Variants in EYA4 observed in about 807,000 individuals in gnomAD.
The protein encoded by EYA4 is EYA transcriptional coactivator and phosphatase 4, also known as protein phosphatase EYA4.
Under a neutral mutation model 87.9 loss-of-function variants are expected in EYA4, and 31 were observed. The ratio of observed to expected loss-of-function variants is 0.35; its 90% CI spans 0.27 to 0.48. EYA4 has a LOEUF of 0.48. EYA4 is among the 20% of genes least tolerant of loss of function. The pLI is 0.99. For synonymous variants in EYA4, 263 were observed against 270.6 expected, an observed-to-expected ratio of 0.97 and a Z score of 0.28; for missense variants, 678 against 761.4, an observed-to-expected ratio of 0.89 and a Z score of 1.29.
chr6:133,394,307 T>A (rs1184102811), intron 3 of EYA4, among the ~76,000 whole-genome samples: 1 of 121,314 alleles, frequency 8.2e-6, no homozygotes, highest in South Asian at 2.9e-4. Flanking sequence ...TTTTTTTTTT[T>A]TTTTTTTTTT....
intron 1 of EYA4, among the ~76,000 whole-genome samples, chr6:133,252,981 ACACACACACT>A (rs1255276170): frequency 7.7e-4 from 109 of 141,226 alleles, no homozygotes; most frequent in Non-Finnish European, 3.4e-4. Flanking sequence ...ACACACACAC[ACACACACACT>A]CACTCTCTCT....
At chr6:133,406,176 T>A (rs1004729160) in intron 3 of EYA4, among the ~76,000 whole-genome samples, 8 of 152,182 alleles carry the variant, frequency 5.3e-5, no homozygotes, top group Non-Finnish European at 1.2e-4. Flanking sequence ...ATGGGCCAGG[T>A]TCTATCTTAG....
intron 13 of EYA4, among the ~76,000 whole-genome samples, chr6:133,486,368 C>T (rs1296674242): frequency 1.3e-5 from 2 of 149,186 alleles, no homozygotes; most frequent in Non-Finnish European, 2.9e-5. Flanking sequence ...ACCACAGACA[C>T]CTCAGGGTTC....
chr6:133,253,140 A>G (rs1286029933), intron 1 of EYA4, among the ~76,000 whole-genome samples: 1 of 152,072 alleles, frequency 6.6e-6, no homozygotes, highest in Admixed American at 6.6e-5. Context: ...GCTCCTTGTT[A>G]GCAGAGAGAT....
rs1211739494 is a variant in EYA4, at chr6:133,519,174, C to CA, written c.1616+3746dup. 3.7e-4 allele frequency among the ~76,000 whole-genome samples: 55 copies of CA among 150,110 alleles called. 1 individual carries two copies. Among genetic ancestry groups the CA allele is most frequent in the African/African-American group, 1.2e-3 (48 of 40,892 alleles). On this transcript the variant is annotated intron_variant, in intron 17 of 19. Coordinates refer to ENST00000355286, the MANE Select transcript of EYA4 (RefSeq NM_004100.5). ...AGCAGAACTGAAGGAAATAGAGACA[C>CA]AAAAAAACCTTCAAAAAATTAATGA...
intron 1 of EYA4, among the ~76,000 whole-genome samples, chr6:133,244,529 A>C (rs1325740547): frequency 6.6e-6 from 1 of 151,948 alleles, no homozygotes; most frequent in Non-Finnish European, 1.5e-5. Flanking sequence ...TGGAGAAAAA[A>C]ATTGCATAGA....
At chr6:133,441,425 A>G (rs1427231456) in intron 3 of EYA4, among the ~76,000 whole-genome samples, 2 of 152,196 alleles carry the variant, frequency 1.3e-5, no homozygotes, top group East Asian at 3.9e-4. Context: ...ACTCGAATAT[A>G]AAATTTTCTT....
intron 17 of EYA4, among the ~76,000 whole-genome samples, chr6:133,516,538 C>G (rs950311572): frequency 2.0e-5 from 3 of 151,208 alleles, no homozygotes; most frequent in Admixed American, 6.6e-5. Context: ...TGGTGAAACC[C>G]CATCTCTACT....
At chr6:133,432,408 T>C (rs1379466043) in intron 3 of EYA4, among the ~76,000 whole-genome samples, 2 of 152,156 alleles carry the variant, frequency 1.3e-5, no homozygotes, top group African/African-American at 4.8e-5. Flanking sequence ...GGGCGCTGCA[T>C]TGTGTTTGGA....
chr6:133,460,384 G>T (rs1028293405), intron 6 of EYA4, among the ~76,000 whole-genome samples: 1 of 151,774 alleles, frequency 6.6e-6, no homozygotes, highest in African/African-American at 2.4e-5. Flanking sequence ...CAAGCTATTG[G>T]ATATATTCCA....
chr6:133,361,873 GC>G (rs2128447575), intron 2 of EYA4, among the ~76,000 whole-genome samples: 1 of 152,316 alleles, frequency 6.6e-6, no homozygotes, highest in East Asian at 1.9e-4. Context: ...CATGTTACTA[GC>G]CCTGTTCCAG....
Position 133,391,216 on chromosome 6 carries a change from G to GTTTTT in EYA4, c.83+8776_83+8780dup, listed in dbSNP as rs1171912624. ...TAGTATCTATTATTTTTTGGGTTTT[G>GTTTTT]TTTTTGTTTTTTTTTTTTTTTTGAG... On this transcript the variant is annotated intron_variant, in intron 3 of 19. Coordinates refer to ENST00000355286, the MANE Select transcript of EYA4 (RefSeq NM_004100.5). 8.3e-4 allele frequency among the ~76,000 whole-genome samples: 57 copies of GTTTTT among 68,948 alleles called. 5 individuals are homozygous for GTTTTT. Among genetic ancestry groups the GTTTTT allele is most frequent in the Non-Finnish European group, 1.2e-3 (35 of 28,456 alleles). 45.2% of individuals were successfully genotyped at this position (68,948 alleles called of 152,430 possible). A position where few individuals can be genotyped will look rare whatever the true frequency, so the allele number is the denominator to read the frequency against.
chr6:133,385,015 CAG>C (rs1370582982), intron 3 of EYA4, among the ~76,000 whole-genome samples: 1 of 151,862 alleles, frequency 6.6e-6, no homozygotes, highest in Non-Finnish European at 1.5e-5. Flanking sequence ...TTAAGAACCA[CAG>C]GGGCTGACGC....
At chr6:133,509,988 GA>G (rs1799004394) in intron 14 of EYA4, among the ~76,000 whole-genome samples, 1 of 152,154 alleles carries the variant, frequency 6.6e-6, no homozygotes, top group Non-Finnish European at 1.5e-5. Flanking sequence ...CAACCGTCCA[GA>G]GTCAACAGGC....
At chr6:133,348,324 A>G (rs1783367870) in intron 2 of EYA4, among the ~76,000 whole-genome samples, 1 of 119,360 alleles carries the variant, frequency 8.4e-6, no homozygotes. Context: ...CCCAGGCTGG[A>G]GTGCAGTGGT....
intron 3 of EYA4, among the ~76,000 whole-genome samples, chr6:133,433,491 G>T (rs149941879): frequency 1.6e-4 from 25 of 152,298 alleles, no homozygotes; most frequent in Admixed American, 4.6e-4. Context: ...TTTTCAACAT[G>T]ACTACAGGCA....
chr6:133,301,918 G>A lies in EYA4; in HGVS notation c.33+27105G>A, dbSNP rs141194459. On this transcript the variant is annotated intron_variant, in intron 2 of 19. Coordinates refer to ENST00000355286, the MANE Select transcript of EYA4 (RefSeq NM_004100.5). ...GAGCTTGCAGTCTACTTGATTAGACGGTCATGGAGCTGTGGGCACATCTGC... is the reference window on the plus strand; with the variant it reads ...GAGCTTGCAGTCTACTTGATTAGACAGTCATGGAGCTGTGGGCACATCTGC... Among the ~76,000 whole-genome samples, 787 of 152,312 alleles carry A rather than the reference G, an allele frequency of 5.2e-3. 6 individuals carry two copies. The highest frequency in any genetic ancestry group is 0.018 in the African/African-American group (762 of 41,560).
At chr6:133,401,397 A>G (rs76294565) in intron 3 of EYA4, among the ~76,000 whole-genome samples, 14,813 of 151,448 alleles carry the variant, frequency 0.098, 813 homozygotes, top group East Asian at 0.22. Context: ...AAAAGAGAAT[A>G]ATTGGAATGT....
At chr6:133,507,971 C>T (rs1235876353) in intron 14 of EYA4, among the ~76,000 whole-genome samples, 1 of 152,018 alleles carries the variant, frequency 6.6e-6, no homozygotes, top group Non-Finnish European at 1.5e-5. Context: ...AATGGTTGAA[C>T]TAATTTACAC....
Sources: gnomAD v4.1 joint callset for allele counts (sites outside exome capture counted in the v4.1 genomes callset) on GRCh38, gnomAD v4.1.1 for gene constraint, MANE v1.5 for transcripts, NCBI Gene and HGNC (gene_info 2026-07-23, HGNC 2026-07-21) for gene names.